FREM2: variants seen among roughly 807,000 people sequenced by gnomAD.
FREM2 encodes FRAS1-related extracellular matrix protein 2.
In FREM2, 119 loss-of-function variants were observed where a neutral mutation model predicts 219.9. That is an observed-to-expected ratio of 0.54 (90% CI 0.47 to 0.63). FREM2 has a LOEUF of 0.63. Ranked by LOEUF, FREM2 falls within the 30% of genes least tolerant of loss-of-function variation. FREM2 has a pLI of 0.00. For missense variants in FREM2, 4,030 were observed against 3,993.6 expected, an observed-to-expected ratio of 1.01 and a Z score of -0.25; for synonymous variants, 1,562 against 1,522.8, an observed-to-expected ratio of 1.03 and a Z score of -0.60.
At chr13:38,817,469 C>A (rs547820295) in intron 6 of FREM2, among the ~76,000 whole-genome samples, 1 of 151,978 alleles carries the variant, frequency 6.6e-6, no homozygotes, top group Non-Finnish European at 1.5e-5. Flanking sequence ...GGGGAAAAGA[C>A]AATCTTTTCA....
At chr13:38,747,479 A>G (rs1872534137) in intron 2 of FREM2, among the ~76,000 whole-genome samples, 1 of 142,510 alleles carries the variant, frequency 7.0e-6, no homozygotes, top group Admixed American at 7.2e-5. Context: ...GTGTATATGT[A>G]TAATATATAT....
intron 6 of FREM2, among the ~76,000 whole-genome samples, chr13:38,830,564 G>A (rs942024899): frequency 6.6e-6 from 1 of 152,148 alleles, no homozygotes; most frequent in Non-Finnish European, 1.5e-5. Flanking sequence ...AAAAATCAGC[G>A]TTGACTCCCT....
intron 2 of FREM2, among the ~76,000 whole-genome samples, chr13:38,730,912 C>G (rs1871739563): frequency 7.1e-6 from 1 of 140,508 alleles, no homozygotes; most frequent in Non-Finnish European, 1.5e-5. Flanking sequence ...ATTTCTTATG[C>G]AACCTTGTTT....
In FREM2 at chr13:38,881,188, A is replaced by G. The variant is rs1046707497; in HGVS notation, c.*401A>G. 3.5e-6 allele frequency: 1 copy of G among 285,804 alleles called. No homozygotes were observed. Among genetic ancestry groups the G allele is most frequent in the Non-Finnish European group, 6.8e-6 (1 of 148,124 alleles). 17.7% of individuals were successfully genotyped at this position (285,804 alleles called of 1,614,324 possible). A position where few individuals can be genotyped will look rare whatever the true frequency, so the allele number is the denominator to read the frequency against. On this transcript the variant is annotated 3_prime_UTR_variant, in exon 24 of 24. Transcript: ENST00000280481. ...TGAAGGTGCAATTATCACATTGTTT[A>G]TTAATTGTATAACAGATTATTACTA...
chr13:38,728,898 CG>C, intron 2 of FREM2, among the ~76,000 whole-genome samples: 1 of 149,930 alleles, frequency 6.7e-6, no homozygotes, highest in East Asian at 2.0e-4. Flanking sequence ...TGCAATGGCA[CG>C]ATCTTGGCTC....
chr13:38,760,957 A>G (rs1873204622), intron 2 of FREM2, among the ~76,000 whole-genome samples: 1 of 152,216 alleles, frequency 6.6e-6, no homozygotes, highest in African/African-American at 2.4e-5. Context: ...ATAAAAACTG[A>G]AAAGAGAAGC....
chr13:38,784,810 T>A lies in FREM2; in HGVS notation c.6019+2T>A. The A allele has an allele frequency of 6.2e-7, 1 of 1,614,024 alleles. No homozygotes were observed. Among genetic ancestry groups the A allele is most frequent in the Non-Finnish European group, 8.5e-7 (1 of 1,179,990 alleles). The stretch of plus-strand genomic sequence containing the variant: ...CAATCGTTCCTGACAAAGATGATGG[T>A]GAGTACTAATTTACTTGAAAATTCT... On this transcript the variant is annotated splice_donor_variant, in intron 6 of 23. Transcript: ENST00000280481. LOFTEE classifies it high-confidence loss of function.
chr13:38,699,297 T>G (rs1261787208), intron 2 of FREM2, among the ~76,000 whole-genome samples: 1 of 151,416 alleles, frequency 6.6e-6, no homozygotes, highest in African/African-American at 2.5e-5. Context: ...TAATAAAATA[T>G]TTTGCTTTTT....
intron 2 of FREM2, among the ~76,000 whole-genome samples, chr13:38,753,148 T>C (rs997000919): frequency 2.0e-5 from 3 of 152,166 alleles, no homozygotes; most frequent in Non-Finnish European, 4.4e-5. Flanking sequence ...AGCAGTTATT[T>C]TTTCTATAAC....
Position 38,689,087 on chromosome 13 carries a change from C to T in FREM2, c.1743C>T (p.Pro581=). ...AGGGTGAAACAGTGCCCATCCTGCC[C>T]CTTTCCCTGAGTGCAACTGACATGG... The part of the protein sequence containing the change: ...LAEGETVPIL[P]LSLSATDMDS... Residue 581 remains proline, a synonymous_variant, in exon 1 of 24, where the codon CCC becomes CCT. Transcript: ENST00000280481. 6.2e-7 allele frequency: 1 copy of T among 1,613,998 alleles called. No homozygotes were observed. Among genetic ancestry groups the T allele is most frequent in the South Asian group, 1.1e-5 (1 of 91,080 alleles).
chr13:38,813,465 TC>T (rs1566151325), intron 6 of FREM2, among the ~76,000 whole-genome samples: 3 of 4,382 alleles, frequency 6.8e-4, no homozygotes, highest in Non-Finnish European at 1.1e-3. Flanking sequence ...TTATTTGTTT[TC>T]TCTCTCTCTC....
At position 38,747,866 on chromosome 13, in the gene FREM2, A is replaced by G. The variant is rs547251060; in HGVS notation, c.5264-16438A>G. Among the ~76,000 whole-genome samples, 37 of 152,298 alleles carry G rather than the reference A, an allele frequency of 2.4e-4. 1 individual carries two copies. Among genetic ancestry groups the G allele is most frequent in the African/African-American group, 8.7e-4 (36 of 41,568 alleles). ...ATGTTGCAGCATTATCCTTTTTCCAAAACCCAGCTTAGTCCATGCTTCCCA... is the reference window on the plus strand; with the variant it reads ...ATGTTGCAGCATTATCCTTTTTCCAGAACCCAGCTTAGTCCATGCTTCCCA... On this transcript the variant is annotated intron_variant, in intron 2 of 23. Transcript: ENST00000280481.
intron 2 of FREM2, among the ~76,000 whole-genome samples, chr13:38,721,732 CT>C (rs1871272515): frequency 6.6e-6 from 1 of 152,090 alleles, no homozygotes; most frequent in Non-Finnish European, 1.5e-5. Flanking sequence ...TGCCAAATTT[CT>C]TTTTGGTAAG....
chr13:38,865,108 T>C (rs1945513), intron 16 of FREM2, among the ~76,000 whole-genome samples: 59,420 of 152,044 alleles, frequency 0.39, 12,766 homozygotes, highest in African/African-American at 0.57. Context: ...ACTCTCCTTC[T>C]TTTTCTTTCT....
intron 2 of FREM2, among the ~76,000 whole-genome samples, chr13:38,752,967 C>G (rs915456977): frequency 4.6e-5 from 7 of 152,094 alleles, no homozygotes; most frequent in Non-Finnish European, 1.5e-5. Context: ...GACCTGAAGG[C>G]TATTAAGTTT....
intron 11 of FREM2, among the ~76,000 whole-genome samples, chr13:38,855,330 A>G (rs1371295640): frequency 6.6e-6 from 1 of 152,220 alleles, no homozygotes; most frequent in East Asian, 1.9e-4. Context: ...ACAATTATTT[A>G]TCCAGCTCTT....
intron 2 of FREM2, among the ~76,000 whole-genome samples, chr13:38,712,678 A>T (rs1870829913): frequency 8.0e-6 from 1 of 125,528 alleles, no homozygotes. Context: ...ACACACACAA[A>T]CACACACACA....
Position 38,688,856 on chromosome 13 carries a change from C to G in FREM2, c.1512C>G (p.Pro504=). The G allele has an allele frequency of 1.9e-6, 3 of 1,613,608 alleles. No individual in the cohort carries two copies. The highest frequency in any genetic ancestry group is 2.5e-6 in the Non-Finnish European group (3 of 1,179,906). Residue 504 remains proline, a synonymous_variant, in exon 1 of 24, where the codon CCC becomes CCG. Coordinates refer to ENST00000280481, the MANE Select transcript of FREM2 (RefSeq NM_207361.6). The part of the protein sequence containing the change: ...ILGASSGSSA[P]KSFTVAELAA... ...GTGCTTCCAGTGGCAGCTCTGCTCC[C>G]AAGAGCTTTACAGTGGCTGAGCTGG... is the stretch of plus-strand genomic sequence containing the variant.
In FREM2 at chr13:38,876,446, T is replaced by TTA. The variant is rs1555274159; in HGVS notation, c.8544+64_8544+65insTA. ...TCCCACTTTGTTTTTCATTTATTAG[T>TTA]AAAAAAAAAAAAAATCCACACGTGA... On this transcript the variant is annotated intron_variant, in intron 20 of 23. Transcript: ENST00000280481. 2,038 of 1,111,972 alleles carry TTA rather than the reference T, an allele frequency of 1.8e-3. 15 individuals carry two copies. In the African/African-American group the frequency reaches 0.028, roughly 15 times the overall value. 68.9% of individuals were successfully genotyped at this position (1,111,972 alleles called of 1,614,324 possible).
Sources: gnomAD v4.1 joint callset for allele counts (sites outside exome capture counted in the v4.1 genomes callset) on GRCh38, gnomAD v4.1.1 for gene constraint, MANE v1.5 for transcripts, NCBI Gene and HGNC (gene_info 2026-07-23, HGNC 2026-07-21) for gene names.